The following ILDR1 variants were observed in gnomAD, a reference collection of about 807,000 sequenced individuals.
ILDR1 encodes immunoglobulin like domain containing receptor 1.
Under a neutral mutation model 62.4 loss-of-function variants are expected in ILDR1, and 56 were observed. The observed-to-expected ratio is 0.90, with a 90% CI of 0.72 to 1.12. The LOEUF is 1.12. Among genes scored for constraint, ILDR1 ranks in the 50% most tolerant of loss-of-function variants. The pLI, the probability that ILDR1 is intolerant of heterozygous loss-of-function variation, is 0.00. For missense variants in ILDR1, 736 were observed against 710.6 expected (o/e 1.04, Z -0.41); for synonymous variants, 284 against 277.8 (o/e 1.02, Z -0.22).
intron 1 of ILDR1, among the ~76,000 whole-genome samples, chr3:122,012,139 T>A (rs541497781): frequency 2.6e-4 from 39 of 152,258 alleles, no homozygotes; most frequent in African/African-American, 7.7e-4. Context: ...CTCTAACTTC[T>A]CTGTAAACCT....
intron 2 of ILDR1, 46 bp from the exon 3 acceptor site, chr3:122,005,439 C>T: frequency 6.2e-7 from 1 of 1,604,302 alleles, no homozygotes; most frequent in Non-Finnish European, 8.5e-7. Flanking sequence ...TAGGGGGTTC[C>T]CACAAAAAAA....
chr3:122,040,129 C>G, the ILDR1 span, among the ~76,000 whole-genome samples: 1 of 151,764 alleles, frequency 6.6e-6, no homozygotes. Context: ...TATAATATTA[C>G]TAAGAAAACA....
rs2107645989 is a variant in ILDR1, at chr3:121,994,321, G to A, written c.647-8C>T. 1.3e-6 allele frequency: 2 copies of A among 1,529,688 alleles called. No homozygotes were observed. The highest frequency in any genetic ancestry group is 1.8e-6 in the Non-Finnish European group (2 of 1,142,252). 94.8% of individuals were successfully genotyped at this position (1,529,688 alleles called of 1,614,324 possible). ...AGCGGTGGCGGGCCAGGGCTGCAGG[G>A]AAAGAAGGAGAAATGCAGGCCCTCA... On this transcript the variant is annotated splice_polypyrimidine_tract_variant and splice_region_variant and intron_variant, in intron 5 of 7. Transcript: ENST00000344209.
In ILDR1 at chr3:122,013,682, A is replaced by G. The variant is rs143034800; in HGVS notation, c.59-6521T>C. 2.2e-4 allele frequency among the ~76,000 whole-genome samples: 34 copies of G among 152,304 alleles called. No homozygotes were observed. In the East Asian group the frequency reaches 4.2e-3, roughly 19 times the overall value. On this transcript the variant is annotated intron_variant, in intron 1 of 7. Transcript: ENST00000344209. The stretch of plus-strand genomic sequence containing the variant: ...AAGAAGTGACTAGCTATGGACAAGA[A>G]GAGACAAAGACAAGAGGGAGTGGTC...
At chr3:122,040,948 A>T in the ILDR1 span, among the ~76,000 whole-genome samples, 39 of 152,332 alleles carry the variant, frequency 2.6e-4, no homozygotes, top group African/African-American at 9.1e-4. Context: ...TTTGTGAAAG[A>T]CACCATCAAG....
upstream of ILDR1, among the ~76,000 whole-genome samples, chr3:122,026,817 T>G (rs2071924984): frequency 6.6e-6 from 1 of 152,194 alleles, no homozygotes; most frequent in Admixed American, 6.5e-5. Flanking sequence ...ATACTGGATA[T>G]TCTAGCCAAC....
chr3:121,997,323 C>T (rs181869666), intron 5 of ILDR1, among the ~76,000 whole-genome samples: 2 of 152,310 alleles, frequency 1.3e-5, no homozygotes, highest in Non-Finnish European at 2.9e-5. Context: ...GAATCTGATG[C>T]CCCTTTGAAC....
the ILDR1 span, among the ~76,000 whole-genome samples, chr3:122,047,838 G>A: frequency 5.3e-5 from 8 of 152,212 alleles, no homozygotes; most frequent in African/African-American, 1.4e-4. Flanking sequence ...AGATAAACCC[G>A]GTACCTCGGA....
upstream of ILDR1, among the ~76,000 whole-genome samples, chr3:122,023,481 G>GTATT (rs746956766): frequency 1.3e-5 from 2 of 152,154 alleles, no homozygotes; most frequent in Non-Finnish European, 2.9e-5. Context: ...AACCTTAGAA[G>GTATT]TCGATATTTT....
chr3:122,039,046 C>T, the ILDR1 span, among the ~76,000 whole-genome samples: 1 of 149,328 alleles, frequency 6.7e-6, no homozygotes, highest in East Asian at 2.0e-4. Flanking sequence ...ATTACACAAA[C>T]AGATATGCAG....
chr3:122,039,896 C>T, the ILDR1 span, among the ~76,000 whole-genome samples: 15 of 151,846 alleles, frequency 9.9e-5, no homozygotes, highest in South Asian at 2.1e-4. Flanking sequence ...TCTTAAAAGA[C>T]TCAGTTAAAG....
the ILDR1 span, among the ~76,000 whole-genome samples, chr3:122,028,160 T>C: frequency 6.7e-6 from 1 of 149,348 alleles, no homozygotes; most frequent in Non-Finnish European, 1.5e-5. Flanking sequence ...ACCCTGTCTC[T>C]ACTAAAAATA....
intron 1 of ILDR1, among the ~76,000 whole-genome samples, chr3:122,008,431 T>C (rs1274179614): frequency 6.6e-6 from 1 of 152,166 alleles, no homozygotes; most frequent in Non-Finnish European, 1.5e-5. Context: ...GTGGGAGGTT[T>C]AGTGTGGAGC....
At chr3:122,017,844 T>C (rs993253484) in intron 1 of ILDR1, among the ~76,000 whole-genome samples, 19 of 152,208 alleles carry the variant, frequency 1.2e-4, no homozygotes, top group Admixed American at 6.5e-4. Context: ...CACAATGAGA[T>C]ACCATCTCAT....
the ILDR1 span, among the ~76,000 whole-genome samples, chr3:122,035,189 A>C: frequency 6.6e-6 from 1 of 152,208 alleles, no homozygotes; most frequent in Non-Finnish European, 1.5e-5. Flanking sequence ...GCATAAAGGA[A>C]ACAAAAATTT....
At chr3:122,055,547 G>T in the ILDR1 span, 4 of 1,591,818 alleles carry the variant, frequency 2.5e-6, no homozygotes, top group South Asian at 1.1e-5. Context: ...TATGAGTTGT[G>T]ACTGCAGTGA....
chr3:122,037,679 G>C, the ILDR1 span, among the ~76,000 whole-genome samples: 1 of 152,170 alleles, frequency 6.6e-6, no homozygotes, highest in Admixed American at 6.5e-5. Context: ...AATGAGTTAA[G>C]ACTAGGGGGC....
At chr3:122,035,259 G>T in the ILDR1 span, among the ~76,000 whole-genome samples, 62 of 152,186 alleles carry the variant, frequency 4.1e-4, no homozygotes, top group Middle Eastern at 3.4e-3. Context: ...AGAAAAAAAA[G>T]TTTATCCCTG....
At chr3:122,025,291 C>T (rs532451362), upstream of ILDR1, 7 of 152,322 alleles carry the variant, frequency 4.6e-5, no homozygotes, top group South Asian at 6.2e-4. Flanking sequence ...TAACTCACTA[C>T]GCTCAAACTA....
Sources: gnomAD v4.1 joint callset for allele counts (sites outside exome capture counted in the v4.1 genomes callset) on GRCh38, gnomAD v4.1.1 for gene constraint, MANE v1.5 for transcripts, NCBI Gene and HGNC (gene_info 2026-07-23, HGNC 2026-07-21) for gene names.